Variants in GRIN2D observed in about 807,000 individuals in gnomAD.
The protein encoded by GRIN2D is glutamate ionotropic receptor NMDA type subunit 2D.
A neutral mutation model predicts 103.2 loss-of-function variants in GRIN2D; 37 were observed. That is an observed-to-expected ratio of 0.36 (90% CI 0.28 to 0.47). The LOEUF is 0.47. Ranked by LOEUF, GRIN2D falls within the 20% of genes least tolerant of loss-of-function variation. The pLI is 1.00. For missense variants in GRIN2D, 1,557 were observed against 1,910.6 expected, an observed-to-expected ratio of 0.81 and a Z score of 3.45; for synonymous variants, 845 against 885.6, an observed-to-expected ratio of 0.95 and a Z score of 0.81.
At chr19:48,420,230 C>T (rs988851099) in intron 10 of GRIN2D, among the ~76,000 whole-genome samples, 1 of 151,320 alleles carries the variant, frequency 6.6e-6, no homozygotes, top group South Asian at 2.1e-4. Flanking sequence ...AGATCGAGAC[C>T]ATCCTGGCTA....
chr19:48,429,715 A>ATGTGTGTGTGTGTGTGTG (rs35154284), intron 11 of GRIN2D, among the ~76,000 whole-genome samples: 2 of 146,894 alleles, frequency 1.4e-5, no homozygotes, highest in Admixed American at 6.9e-5. Flanking sequence ...TAATTTTTTA[A>ATGTGTGTGTGTGTGTGTG]TGTGTGTGTG....
chr19:48,443,575 G>C lies in GRIN2D; in HGVS notation c.3649G>C (p.Gly1217Arg). ...WAPPPPPWAA[G>R]PLPRRRARCG... ...GCCACCGCCTCCACCCTGGGCCGCC[G>C]GGCCCCTGCCCCGACGCCGGGCCCG... The change falls in exon 14 of 14, where the codon GGG becomes CGG. Residue 1217 changes from glycine to arginine, a missense_variant. This residue lies in a region of GRIN2D where 632 missense variants were observed against 572.8 expected (regional missense o/e 1.10). Transcript: ENST00000263269. This position sits in a 1 kb window ranked among gnomAD's most constrained non-coding sequence, Gnocchi z 8.9. 8.2e-7 allele frequency: 1 copy of C among 1,219,354 alleles called. No individual in the cohort carries two copies. The highest frequency in any genetic ancestry group is 4.5e-5 in the Admixed American group (1 of 22,470). The allele number at this position is 1,219,354 out of a possible 1,614,324, so 75.5% of individuals were successfully genotyped here. A position where few individuals can be genotyped will look rare whatever the true frequency, so the allele number is the denominator to read the frequency against.
Position 48,421,835 on chromosome 19 carries a change from C to T in GRIN2D, c.2142C>T (p.Pro714=), listed in dbSNP as rs763382817. ...CGCCCCTGAAGTTTGGGACCGTGCC[C>T]AACGGCTCCACGGAGAAGAACATCC... ...QYPPLKFGTV[P]NGSTEKNIRS... The change falls in exon 11 of 14, where the codon CCC becomes CCT. Residue 714 remains proline (P), a synonymous_variant. Coordinates refer to ENST00000263269, the MANE Select transcript of GRIN2D (RefSeq NM_000836.4). The surrounding 1 kb of genome is among the most constrained non-coding windows in gnomAD (Gnocchi z 4.8). 3.7e-6 allele frequency: 6 copies of T among 1,614,084 alleles called. No individual in the cohort carries two copies. The highest frequency in any genetic ancestry group is 2.5e-6 in the Non-Finnish European group (3 of 1,179,954).
intron 11 of GRIN2D, among the ~76,000 whole-genome samples, chr19:48,428,834 C>A (rs1167058640): frequency 1.3e-5 from 2 of 152,256 alleles, no homozygotes; most frequent in African/African-American, 4.8e-5. Context: ...CACAACTAAA[C>A]CCTTAAGACC....
At chr19:48,436,242 T>C (rs1206483144) in intron 11 of GRIN2D, among the ~76,000 whole-genome samples, 1 of 152,052 alleles carries the variant, frequency 6.6e-6, no homozygotes, top group Non-Finnish European at 1.5e-5. Context: ...GGGTAGGGGC[T>C]TGGGAAGCGG....
intron 3 of GRIN2D, among the ~76,000 whole-genome samples, chr19:48,400,038 G>A (rs1041220697): frequency 1.3e-5 from 2 of 152,204 alleles, no homozygotes; most frequent in Admixed American, 6.5e-5. Context: ...GAAGGCTTAT[G>A]GTGGAGGCCG....
Position 48,444,195 on chromosome 19 carries a change from A to C in GRIN2D, c.*258A>C. 17 of 327,338 alleles carry C rather than the reference A, an allele frequency of 5.2e-5. No individual in the cohort carries two copies. The highest frequency in any genetic ancestry group is 9.4e-5 in the East Asian group (2 of 21,276). 20.3% of individuals were successfully genotyped at this position (327,338 alleles called of 1,614,324 possible). ...ACCGGACTTTTTTTTAAACCCGACA[A>C]GGGCTTTTTAACGTCACCAGATGGG... On this transcript the variant is annotated 3_prime_UTR_variant, in exon 14 of 14. Coordinates refer to ENST00000263269, the MANE Select transcript of GRIN2D (RefSeq NM_000836.4). The surrounding 1 kb of genome is among the most constrained non-coding windows in gnomAD (Gnocchi z 5.5).
In GRIN2D at chr19:48,414,725, A is replaced by T; in HGVS notation, c.1413-139A>T. 1 of 1,279,060 alleles carries T rather than the reference A, an allele frequency of 7.8e-7. No individual in the cohort carries two copies. Among genetic ancestry groups the T allele is most frequent in the Non-Finnish European group, 1.1e-6 (1 of 922,770 alleles). The allele number at this position is 1,279,060 out of a possible 1,614,324, so 79.2% of individuals were successfully genotyped here. A position where few individuals can be genotyped will look rare whatever the true frequency, so the allele number is the denominator to read the frequency against. On this transcript the variant is annotated intron_variant, in intron 6 of 13. Transcript: ENST00000263269. This position sits in a 1 kb window ranked among gnomAD's most constrained non-coding sequence, Gnocchi z 4.6. ...CTTGGTGACCTTAGGCAAACCTCAG[A>T]ATTCTTTGAGCCTGAGTTTCCCCTG...
intron 8 of GRIN2D, among the ~76,000 whole-genome samples, chr19:48,417,366 G>A (rs564463948): frequency 4.6e-5 from 7 of 152,274 alleles, no homozygotes; most frequent in Non-Finnish European, 7.4e-5. Context: ...ACAGATGCAG[G>A]GTGTGGTTAG....
intron 11 of GRIN2D, among the ~76,000 whole-genome samples, chr19:48,438,920 A>G (rs1425994929): frequency 1.3e-5 from 2 of 150,600 alleles, no homozygotes; most frequent in African/African-American, 4.9e-5. Context: ...AGCTGGGAAT[A>G]TAGGTGCATC....
chr19:48,404,240 C>CAAA (rs34530972), intron 3 of GRIN2D, among the ~76,000 whole-genome samples: 59 of 116,746 alleles, frequency 5.1e-4, no homozygotes, highest in African/African-American at 1.7e-3. Flanking sequence ...AATTCCATCT[C>CAAA]AAAAAAAAAA....
chr19:48,414,466 C>T lies in GRIN2D; in HGVS notation c.1294C>T (p.Leu432Phe), dbSNP rs1970917102. The T allele has an allele frequency of 6.2e-7, 1 of 1,605,364 alleles. No homozygotes were observed. Among genetic ancestry groups the T allele is most frequent in the African/African-American group, 1.3e-5 (1 of 74,902 alleles). ...FLQPVDDTQH[L>F]TVATLEERPF... ...GCAGCCAGTGGACGACACGCAGCAC[C>T]TCACGGTGGCCACGCTGGAGGAAAG... The change falls in exon 6 of 14, where the codon CTC becomes TTC. Residue 432 changes from leucine (L) to phenylalanine (F), a missense_variant. This residue lies in a region of GRIN2D where 197 missense variants were observed against 334.1 expected (regional missense o/e 0.59). Transcript: ENST00000263269. This position sits in a 1 kb window ranked among gnomAD's most constrained non-coding sequence, Gnocchi z 4.6.
chr19:48,409,174 TC>T lies in GRIN2D; in HGVS notation c.1085+3823del, dbSNP rs1158777863. ...CCCACTCCTGCAACCACAGCATTAG[TC>T]CATTTGTGAGGGTACTGGAGCCCCA... On this transcript the variant is annotated intron_variant, in intron 4 of 13. Transcript: ENST00000263269. Among the ~76,000 whole-genome samples the T allele has an allele frequency of 2.0e-5, 3 of 151,858 alleles. No homozygotes were observed. The East Asian group carries it at 5.8e-4, about 29-fold the overall frequency.
At chr19:48,408,130 C>T (rs1220282474) in intron 4 of GRIN2D, among the ~76,000 whole-genome samples, 7 of 151,678 alleles carry the variant, frequency 4.6e-5, no homozygotes, top group African/African-American at 7.3e-5. Flanking sequence ...GTCAGGAGAT[C>T]GAGACCATCC....
At chr19:48,431,210 C>T (rs776564809) in intron 11 of GRIN2D, among the ~76,000 whole-genome samples, 2 of 152,070 alleles carry the variant, frequency 1.3e-5, no homozygotes, top group Non-Finnish European at 2.9e-5. Context: ...CACCTTTCAC[C>T]TTCATCCCTT....
rs1474169155 is a variant in GRIN2D, at chr19:48,443,806, G to A, written c.3880G>A (p.Ala1294Thr). The change falls in exon 14 of 14, where the codon GCT becomes ACT. Residue 1294 changes from alanine (A) to threonine (T), a missense_variant. Transcript: ENST00000263269. The surrounding 1 kb of genome is among the most constrained non-coding windows in gnomAD (Gnocchi z 8.9). ...CAGGCTTACCGGGCCCTCCCGCCAC[G>A]CTCGCAGGTGTCCGCACGCCGCGCA... ...ARRLTGPSRH[A>T]RRCPHAAHWG... 3.4e-6 allele frequency: 5 copies of A among 1,477,064 alleles called. No homozygotes were observed. The highest frequency in any genetic ancestry group is 3.6e-6 in the Non-Finnish European group (4 of 1,122,060). 91.5% of individuals were successfully genotyped at this position (1,477,064 alleles called of 1,614,324 possible). A position where few individuals can be genotyped will look rare whatever the true frequency, so the allele number is the denominator to read the frequency against.
rs11879372 is a variant in GRIN2D at position 48,406,357 on chromosome 19, A to G, written c.1085+1004A>G. Among the ~76,000 whole-genome samples, 419 of 152,324 alleles carry G rather than the reference A, an allele frequency of 2.8e-3. 1 individual carries two copies. The highest frequency in any genetic ancestry group is 4.7e-3 in the Non-Finnish European group (323 of 68,036). On this transcript the variant is annotated intron_variant, in intron 4 of 13. Coordinates refer to ENST00000263269, the MANE Select transcript of GRIN2D (RefSeq NM_000836.4). The stretch of plus-strand genomic sequence containing the variant: ...CACTATTATTTTAGAAGAGGCGAAC[A>G]GAGTTTGTTGGAAAATAGCATCTCC...
At position 48,405,765 on chromosome 19, in the gene GRIN2D, T is replaced by G. The variant is rs1321875882; in HGVS notation, c.1085+412T>G. Among the ~76,000 whole-genome samples the G allele has an allele frequency of 1.3e-5, 2 of 152,130 alleles. No homozygotes were observed. Among genetic ancestry groups the G allele is most frequent in the Admixed American group, 6.5e-5 (1 of 15,268 alleles). ...TTCAGTAGCAAAAAAGACCCAACAA[T>G]CCAGTGGCCCAGATGAGGTCGAAGT... On this transcript the variant is annotated intron_variant, in intron 4 of 13. Transcript: ENST00000263269. This position sits in a 1 kb window ranked among gnomAD's most constrained non-coding sequence, Gnocchi z 5.1.
At chr19:48,411,282 G>A (rs149047601) in intron 4 of GRIN2D, among the ~76,000 whole-genome samples, 3 of 151,458 alleles carry the variant, frequency 2.0e-5, no homozygotes, top group African/African-American at 4.8e-5. Flanking sequence ...CCAAGATCAC[G>A]CCATTGCACT....
Sources: gnomAD v4.1 joint callset for allele counts (sites outside exome capture counted in the v4.1 genomes callset) on GRCh38, gnomAD v4.1.1 for gene constraint, gnomAD v4.1.1 regional missense constraint, Gnocchi (gnomAD v3.1) non-coding constraint, MANE v1.5 for transcripts, NCBI Gene and HGNC (gene_info 2026-07-23, HGNC 2026-07-21) for gene names.